PCSK1: variants seen among roughly 807,000 people sequenced by gnomAD.
PCSK1 encodes the protein proprotein convertase subtilisin/kexin type 1.
Under a neutral mutation model 90.6 loss-of-function variants are expected in PCSK1, and 56 were observed. The ratio of observed to expected loss-of-function variants is 0.62; its 90% CI spans 0.50 to 0.77. The LOEUF (loss-of-function observed/expected upper bound fraction) is 0.77, where lower values mean the gene tolerates loss of function less well. Among genes scored for constraint, PCSK1 ranks in the 30% least tolerant of loss-of-function variants. PCSK1 has a pLI of 0.00. For synonymous variants in PCSK1, 348 were observed against 342.4 expected, an observed-to-expected ratio of 1.02 and a Z score of -0.18; for missense variants, 801 against 932.6, an observed-to-expected ratio of 0.86 and a Z score of 1.84.
At chr5:96,396,561 C>CAAA (rs368951852) in intron 12 of PCSK1, among the ~76,000 whole-genome samples, 7,438 of 122,236 alleles carry the variant, frequency 0.061, 241 homozygotes, top group Middle Eastern at 0.077. Flanking sequence ...GACTCCGTCT[C>CAAA]AAAAAAAAAA....
Position 96,432,868 on chromosome 5 carries a change from C to T in PCSK1, c.175G>A (p.Gly59Ser), listed in dbSNP as rs775280277. Residue 59 changes from glycine to serine, a missense_variant, in exon 1 of 14, where the codon GGT becomes AGT. Gly to Ser is a moderately conservative substitution (Grantham distance 56). Transcript: ENST00000311106. The stretch of plus-strand genomic sequence containing the variant: ...TTGAAAGTGGAAACTCTTACCTGAC[C>T]CAAAAGGTCATAGCCCAGCTCCTCG... Reference protein sequence around the residue: ...IAEELGYDLLGQIGSLENHYL... With the variant: ...IAEELGYDLLSQIGSLENHYL... 1 of 1,613,414 alleles carries T rather than the reference C, an allele frequency of 6.2e-7. No individual in the cohort carries two copies. Among genetic ancestry groups the T allele is most frequent in the South Asian group, 1.1e-5 (1 of 91,048 alleles).
At chr5:96,394,735 C>T in intron 13 of PCSK1, 129 bp downstream of exon 13, 2 of 803,548 alleles carry the variant, frequency 2.5e-6, no homozygotes, top group Admixed American at 1.8e-5. Context: ...AATAGTTTAC[C>T]ACTATCACTT....
intron 9 of PCSK1, 150 bp from the exon 10 acceptor site, chr5:96,400,336 T>C: frequency 1.5e-6 from 1 of 671,440 alleles, no homozygotes; most frequent in Non-Finnish European, 2.7e-6. Flanking sequence ...ACTGTTCATA[T>C]ATCTTTTCAT....
At chr5:96,416,350 G>T (rs754496827) in intron 5 of PCSK1, among the ~76,000 whole-genome samples, 1 of 152,172 alleles carries the variant, frequency 6.6e-6, no homozygotes. Context: ...TTCACTAAGG[G>T]TGTGACCTTG....
At position 96,432,987 on chromosome 5, in the gene PCSK1, C is replaced by G; in HGVS notation, c.56G>C (p.Trp19Ser). 6.2e-7 allele frequency: 1 copy of G among 1,614,144 alleles called. No homozygotes were observed. Among genetic ancestry groups the G allele is most frequent in the East Asian group, 2.2e-5 (1 of 44,882 alleles). Residue 19 changes from tryptophan to serine, a missense_variant, in exon 1 of 14, where the codon TGG (tryptophan) becomes TCG (serine). Trp to Ser is a radical substitution (Grantham distance 177). Transcript: ENST00000311106. ...CGCTTTTGCACTGTTCAGTGCACAC[C>G]AAGCGCAAAAGAGGACGAAAGCAGT... is the stretch of plus-strand genomic sequence containing the variant. ...QCTAFVLFCAWCALNSAKAKR... is the reference protein window; with the variant it reads ...QCTAFVLFCASCALNSAKAKR...
At chr5:96,408,386 G>A in intron 8 of PCSK1, 63 bp from the exon 9 acceptor site, 2 of 1,170,472 alleles carry the variant, frequency 1.7e-6, no homozygotes, top group Non-Finnish European at 2.5e-6. Context: ...GGCCTGTCTT[G>A]GGGGTTAACT....
At chr5:96,423,519 CA>C in intron 3 of PCSK1, 60 bp from the exon 4 acceptor site, 1 of 1,484,932 alleles carries the variant, frequency 6.7e-7, no homozygotes, top group Non-Finnish European at 9.4e-7. Flanking sequence ...ACAAAATGGG[CA>C]CTTCAGTTCC....
chr5:96,405,064 T>G (rs1311764590), intron 9 of PCSK1, among the ~76,000 whole-genome samples: 1 of 152,178 alleles, frequency 6.6e-6, no homozygotes, highest in African/African-American at 2.4e-5. Flanking sequence ...TGTCTAGAAA[T>G]TCTGGCATTC....
chr5:96,431,680 T>C (rs1761502636), intron 1 of PCSK1, among the ~76,000 whole-genome samples: 1 of 152,184 alleles, frequency 6.6e-6, no homozygotes, highest in Non-Finnish European at 1.5e-5. Context: ...ATTTGGTTTA[T>C]AAAGTTGAGA....
At chr5:96,412,752 G>GTTTTTTTTTTTTTGTTTTT (rs1554058734) in intron 6 of PCSK1, among the ~76,000 whole-genome samples, 19 of 71,792 alleles carry the variant, frequency 2.6e-4, no homozygotes, top group African/African-American at 1.7e-3. Flanking sequence ...CAGCTGTGAT[G>GTTTTTTTTTTTTTGTTTTT]TTTTTTTTTT....
Position 96,423,476 on chromosome 5 carries a change from AC to A in PCSK1, c.397-18del. On this transcript the variant is annotated intron_variant, in intron 3 of 13. Coordinates refer to ENST00000311106, the MANE Select transcript of PCSK1 (RefSeq NM_000439.5). ...GGTATCTTGCTGGTAAAGAAAAACA[AC>A]GAAGCATTGATAAAATTATCATTTG... 1 of 1,613,280 alleles carries A rather than the reference AC, an allele frequency of 6.2e-7. No homozygotes were observed. Among genetic ancestry groups the A allele is most frequent in the East Asian group, 2.2e-5 (1 of 44,882 alleles).
rs749625168 is a variant in PCSK1 at position 96,393,105 on chromosome 5, G to C, written c.2158C>G (p.Leu720Val). Residue 720 changes from leucine to valine, a missense_variant, in exon 14 of 14, where the codon CTG becomes GTG. Physicochemically the swap from Leu to Val is conservative, Grantham distance 32. Transcript: ENST00000311106. ...PSQLKDSEDS[L>V]YNDYVDVFYN... is the part of the protein sequence containing the mutation. ...AAAACATCAACATAGTCATTATACA[G>C]ACTGTCTTCAGAGTCTTTAAGCTGG... 3 of 1,614,030 alleles carry C rather than the reference G, an allele frequency of 1.9e-6. No individual in the cohort carries two copies. The highest frequency in any genetic ancestry group is 1.3e-5 in the African/African-American group (1 of 74,930).
In PCSK1 at chr5:96,408,258, C is replaced by T; in HGVS notation, c.1161G>A (p.Leu387=). The T allele has an allele frequency of 6.2e-7, 1 of 1,614,102 alleles. No individual in the cohort carries two copies. The highest frequency in any genetic ancestry group is 1.1e-5 in the South Asian group (1 of 91,078). Residue 387 remains leucine, a synonymous_variant, in exon 9 of 14, where the codon CTG becomes CTA. Transcript: ENST00000311106. Reference sequence around the variant, plus strand: ...GGGCCAGAGCGAAGATGCCAGCAGCCAGAGGTGCAGAGGCCGAGGTGCCTG... The same window carrying T: ...GGGCCAGAGCGAAGATGCCAGCAGCTAGAGGTGCAGAGGCCGAGGTGCCTG... ...THTGTSASAP[L]AAGIFALALE...
At chr5:96,405,515 G>C (rs1285784870) in intron 9 of PCSK1, among the ~76,000 whole-genome samples, 1 of 152,018 alleles carries the variant, frequency 6.6e-6, no homozygotes, top group East Asian at 1.9e-4. Flanking sequence ...AAAAAAGAAG[G>C]ATCAAATTAG....
chr5:96,401,816 G>T (rs1025601500), intron 9 of PCSK1, among the ~76,000 whole-genome samples: 3 of 152,112 alleles, frequency 2.0e-5, no homozygotes, highest in Non-Finnish European at 4.4e-5. Context: ...TCTCTGATGT[G>T]TAGCACCCAG....
chr5:96,407,203 C>T (rs1013997104), intron 9 of PCSK1, among the ~76,000 whole-genome samples: 7 of 152,070 alleles, frequency 4.6e-5, no homozygotes, highest in African/African-American at 1.7e-4. Flanking sequence ...ATATTAACTA[C>T]ATTTCATTAA....
chr5:96,404,549 C>T (rs1308468543), intron 9 of PCSK1, among the ~76,000 whole-genome samples: 1 of 152,168 alleles, frequency 6.6e-6, no homozygotes, highest in Non-Finnish European at 1.5e-5. Context: ...TTTAACACAG[C>T]ATATTGAGTA....
intron 1 of PCSK1, chr5:96,431,932 C>A: frequency 1.5e-6 from 1 of 687,796 alleles, no homozygotes; most frequent in Non-Finnish European, 2.6e-6. Flanking sequence ...AGAAGTCACA[C>A]TCCCTAGGGT....
At chr5:96,409,061 C>T (rs952981608) in intron 8 of PCSK1, among the ~76,000 whole-genome samples, 2 of 152,324 alleles carry the variant, frequency 1.3e-5, no homozygotes, top group East Asian at 3.9e-4. Flanking sequence ...GAGATGTTCT[C>T]TGTGAAAGTA....
Sources: gnomAD v4.1 joint callset for allele counts (sites outside exome capture counted in the v4.1 genomes callset) on GRCh38, gnomAD v4.1.1 for gene constraint, MANE v1.5 for transcripts, NCBI Gene and HGNC (gene_info 2026-07-23, HGNC 2026-07-21) for gene names.